Variants in CSMD1 observed in about 807,000 individuals in gnomAD.
The protein encoded by CSMD1 is CUB and Sushi multiple domains 1, also known as CUB and sushi domain-containing protein 1.
CSMD1 carries 213 observed loss-of-function variants against 417.5 expected under a neutral mutation model. That is an observed-to-expected ratio of 0.51 (90% CI 0.46 to 0.57). The LOEUF is 0.57. CSMD1 is among the 20% of genes least tolerant of loss of function. The pLI is 0.00. For synonymous variants in CSMD1, 2,862 were observed against 1,736.8 expected, an observed-to-expected ratio of 1.65 and a Z score of -16.11; for missense variants, 6,923 against 4,529.7, an observed-to-expected ratio of 1.53 and a Z score of -15.17.
chr8:2,938,437 A>T lies in CSMD1; in HGVS notation c.*148T>A. ...AAGACCCTGACACATTTGAGTAGAGATCCCCGCTGCACTTATGCCAGTAGA... is the reference window on the plus strand; with the variant it reads ...AAGACCCTGACACATTTGAGTAGAGTTCCCCGCTGCACTTATGCCAGTAGA... On this transcript the variant is annotated 3_prime_UTR_variant, in exon 70 of 70. Transcript: ENST00000635120. The T allele has an allele frequency of 1.4e-6, 1 of 708,402 alleles. No individual in the cohort carries two copies. The allele number at this position is 708,402 out of a possible 1,614,324, so 43.9% of individuals were successfully genotyped here.
intron 7 of CSMD1, among the ~76,000 whole-genome samples, chr8:3,639,271 T>G (rs1040005666): frequency 6.6e-6 from 1 of 152,210 alleles, no homozygotes; most frequent in Admixed American, 6.5e-5. Context: ...AGGTTGCTAT[T>G]TGAATAATAT....
At chr8:3,083,513 T>C (rs1408443769) in intron 49 of CSMD1, among the ~76,000 whole-genome samples, 1 of 147,014 alleles carries the variant, frequency 6.8e-6, no homozygotes, top group African/African-American at 2.5e-5. Context: ...TATTTGCACA[T>C]CAGTAAGGAA....
chr8:3,284,362 C>T lies in CSMD1; in HGVS notation c.3951-16G>A, dbSNP rs370881858. 2.5e-6 allele frequency: 4 copies of T among 1,598,816 alleles called. No homozygotes were observed. Among genetic ancestry groups the T allele is most frequent in the Non-Finnish European group, 3.4e-6 (4 of 1,167,618 alleles). On this transcript the variant is annotated splice_polypyrimidine_tract_variant and intron_variant, in intron 25 of 69. Coordinates refer to ENST00000635120, the MANE Select transcript of CSMD1 (RefSeq NM_033225.6). ...GAAATGGAGGCTGCAAGAGAGAACA[C>T]AGTAGCGCTACTTGCCGTGCATCGA...
intron 57 of CSMD1, among the ~76,000 whole-genome samples, chr8:2,971,967 C>T (rs1276015273): frequency 1.3e-5 from 2 of 151,610 alleles, no homozygotes; most frequent in Admixed American, 6.6e-5. Context: ...TATGTGTATG[C>T]CTATATTATA....
intron 1 of CSMD1, among the ~76,000 whole-genome samples, chr8:4,735,729 T>A (rs1043265603): frequency 6.6e-6 from 1 of 152,120 alleles, no homozygotes; most frequent in Non-Finnish European, 1.5e-5. Context: ...AATATCTCCC[T>A]AATAAGAGAA....
chr8:3,263,842 G>A (rs1162341663), intron 26 of CSMD1, among the ~76,000 whole-genome samples: 4 of 152,178 alleles, frequency 2.6e-5, no homozygotes, highest in African/African-American at 9.7e-5. Flanking sequence ...TTAGACATCT[G>A]TGGGAAAACC....
At chr8:4,175,220 G>C (rs1797977809) in intron 3 of CSMD1, among the ~76,000 whole-genome samples, 1 of 151,936 alleles carries the variant, frequency 6.6e-6, no homozygotes, top group African/African-American at 2.4e-5. Flanking sequence ...AAGTCACTAA[G>C]GTGATCTCAC....
intron 6 of CSMD1, among the ~76,000 whole-genome samples, chr8:3,710,285 T>C (rs950672287): frequency 2.6e-5 from 4 of 152,152 alleles, no homozygotes; most frequent in Non-Finnish European, 5.9e-5. Context: ...GGGTTAACTG[T>C]ATAAATAAAT....
intron 1 of CSMD1, among the ~76,000 whole-genome samples, chr8:4,751,112 C>T (rs12056843): frequency 0.43 from 65,617 of 152,046 alleles, 15,091 homozygotes; most frequent in East Asian, 0.62. Context: ...TGCCTGGGAG[C>T]AGTGGCTCAG....
At chr8:4,434,377 G>A (rs1287980598) in intron 2 of CSMD1, among the ~76,000 whole-genome samples, 2 of 152,052 alleles carry the variant, frequency 1.3e-5, no homozygotes, top group Non-Finnish European at 1.5e-5. Flanking sequence ...CTAACTAACT[G>A]GATCTAAGAA....
At chr8:4,841,497 A>C (rs892067445) in intron 1 of CSMD1, among the ~76,000 whole-genome samples, 1 of 152,238 alleles carries the variant, frequency 6.6e-6, no homozygotes, top group Non-Finnish European at 1.5e-5. Context: ...TGGACAAGTC[A>C]CTAAGTTTTC....
At chr8:3,902,963 C>G (rs1490784138) in intron 5 of CSMD1, among the ~76,000 whole-genome samples, 1 of 152,148 alleles carries the variant, frequency 6.6e-6, no homozygotes, top group Non-Finnish European at 1.5e-5. Flanking sequence ...TCAGTAGACT[C>G]TGACCTCCTG....
chr8:3,198,751 C>G (rs996042110), intron 33 of CSMD1, among the ~76,000 whole-genome samples: 1 of 152,098 alleles, frequency 6.6e-6, no homozygotes, highest in African/African-American at 2.4e-5. Context: ...CTGTTATACT[C>G]CACCTTTTTA....
At chr8:3,217,941 T>C (rs1426004539) in intron 29 of CSMD1, among the ~76,000 whole-genome samples, 2 of 152,036 alleles carry the variant, frequency 1.3e-5, no homozygotes, top group African/African-American at 4.8e-5. Flanking sequence ...TAACTGTGAA[T>C]TGATATTTTG....
chr8:4,637,595 C>T (rs779437772), intron 1 of CSMD1, 37 bp from the exon 2 acceptor site: 2 of 1,350,110 alleles, frequency 1.5e-6, no homozygotes, highest in Non-Finnish European at 2.1e-6. Flanking sequence ...GCATATTATT[C>T]TGGCCATCTT....
chr8:4,082,396 A>T (rs1800185329), intron 3 of CSMD1, among the ~76,000 whole-genome samples: 1 of 152,214 alleles, frequency 6.6e-6, no homozygotes, highest in African/African-American at 2.4e-5. Flanking sequence ...ATTTAAAAAC[A>T]ACTACAACAA....
chr8:3,068,381 C>G (rs4875351), intron 49 of CSMD1, among the ~76,000 whole-genome samples: 18,105 of 152,122 alleles, frequency 0.12, 1,199 homozygotes, highest in Admixed American at 0.21. Context: ...AGACTCAGGA[C>G]TTCTAACAAA....
chr8:3,063,598 G>A (rs1585257293), intron 49 of CSMD1, among the ~76,000 whole-genome samples: 1 of 152,152 alleles, frequency 6.6e-6, no homozygotes, highest in African/African-American at 2.4e-5. Context: ...GCCAAGAGAT[G>A]AATGGCTAAA....
At chr8:4,056,293 G>A (rs901800125) in intron 3 of CSMD1, among the ~76,000 whole-genome samples, 2 of 151,580 alleles carry the variant, frequency 1.3e-5, no homozygotes, top group South Asian at 4.2e-4. Context: ...ATGTTGGCCT[G>A]GCTCGTCTCA....
Sources: allele counts gnomAD v4.1 joint callset (sites outside exome capture counted in the v4.1 genomes callset), GRCh38; gene constraint gnomAD v4.1.1; transcripts MANE v1.5; gene names NCBI Gene and HGNC (gene_info 2026-07-23, HGNC 2026-07-21).